CTPS1: variants seen among roughly 807,000 people sequenced by gnomAD.
CTPS1 encodes CTP synthase 1, also known as CTP synthetase 1.
CTPS1 carries 25 observed loss-of-function variants against 80.5 expected under a neutral mutation model. The observed-to-expected ratio is 0.31, with a 90% confidence interval of 0.23 to 0.43. CTPS1 has a LOEUF of 0.43. Among genes scored for constraint, CTPS1 ranks in the 20% least tolerant of loss-of-function variants. The pLI is 1.00. For missense variants in CTPS1, 442 were observed against 725.7 expected, an observed-to-expected ratio of 0.61 and a Z score of 4.49; for synonymous variants, 267 against 252.5, an observed-to-expected ratio of 1.06 and a Z score of -0.54.
chr1:40,991,768 G>T lies in CTPS1; in HGVS notation c.643G>T (p.Val215Leu). The T allele has an allele frequency of 6.2e-7, 1 of 1,612,268 alleles. No individual in the cohort carries two copies. The change falls in exon 7 of 19, where the codon GTA becomes TTA. Residue 215 changes from valine (V) to leucine (L), a missense_variant. Val to Leu is a conservative substitution (Grantham distance 32). Around this residue, in one of 4 missense-constraint regions of CTPS1, gnomAD observed 321 missense variants for 467.2 expected, o/e 0.69. Coordinates refer to ENST00000650070, the MANE Select transcript of CTPS1 (RefSeq NM_001905.4). ...CCATCTTGTTCTCTACTGCTAGGTT[G>T]TATGCAGGTGCTCAAATCCACTTGA... is the stretch of plus-strand genomic sequence containing the variant. ...RGLGLSPDLVVCRCSNPLDTS... is the reference protein window; with the variant it reads ...RGLGLSPDLVLCRCSNPLDTS...
rs1643137253 is a variant in CTPS1, at chr1:41,010,247, C to A, written c.*2C>A. On this transcript the variant is annotated 3_prime_UTR_variant, in exon 18 of 19. Transcript: ENST00000650070. ...TTTCCATCAATAAATCATGACTGAT[C>A]TTGTAGCGTAAGTGGTACTTTAAAG... The A allele has an allele frequency of 1.2e-6, 2 of 1,607,862 alleles. No individual in the cohort carries two copies.
In CTPS1 at chr1:40,984,949, A is replaced by C; in HGVS notation, c.295A>C (p.Asn99His). ...TGGAAAGATATACCAGTATGTCATTAACAAGGAACGGAAAGGAGATTACTT... is the reference window on the plus strand; with the variant it reads ...TGGAAAGATATACCAGTATGTCATTCACAAGGAACGGAAAGGAGATTACTT... ...TTGKIYQYVI[N>H]KERKGDYLGK... The change falls in exon 3 of 19, where the codon AAC (asparagine) becomes CAC (histidine). Residue 99 changes from asparagine to histidine, a missense_variant. Coordinates refer to ENST00000650070, the MANE Select transcript of CTPS1 (RefSeq NM_001905.4). 1 of 1,596,962 alleles carries C rather than the reference A, an allele frequency of 6.3e-7. No individual in the cohort carries two copies. Among genetic ancestry groups the C allele is most frequent in the East Asian group, 2.3e-5 (1 of 44,320 alleles).
chr1:40,989,698 A>G (rs1251254090), intron 5 of CTPS1, among the ~76,000 whole-genome samples: 2 of 152,240 alleles, frequency 1.3e-5, no homozygotes, highest in Non-Finnish European at 2.9e-5. Flanking sequence ...GAAACTTTAA[A>G]AAAACACCAA....
chr1:40,981,639 T>C (rs1642299843), intron 1 of CTPS1, among the ~76,000 whole-genome samples: 1 of 152,088 alleles, frequency 6.6e-6, no homozygotes, highest in Admixed American at 6.6e-5. Flanking sequence ...ACAGTGCGAG[T>C]TTACTTGCTA....
At position 40,983,449 on chromosome 1, in the gene CTPS1, T is replaced by C. The variant is rs1237408566; in HGVS notation, c.159T>C (p.Tyr53=). The change falls in exon 2 of 19, where the codon TAT becomes TAC. Residue 53 remains tyrosine, a synonymous_variant. Transcript: ENST00000650070. ...TTGATGCAGGAACATTCTCTCCTTA[T>C]GAGCATGGTAAGCACAGTGGATTTC... ...INIDAGTFSP[Y]EHGEVFVLDD... The C allele has an allele frequency of 3.7e-6, 6 of 1,611,498 alleles. No individual in the cohort carries two copies. The highest frequency in any genetic ancestry group is 2.2e-5 in the South Asian group (2 of 90,912).
At chr1:41,009,859 G>C (rs373965279) in intron 17 of CTPS1, among the ~76,000 whole-genome samples, 1 of 152,316 alleles carries the variant, frequency 6.6e-6, no homozygotes, top group African/African-American at 2.4e-5. Flanking sequence ...AGGGGAACTA[G>C]TTTTTCCTGG....
intron 12 of CTPS1, 125 bp downstream of exon 12, chr1:41,003,301 G>T: frequency 1.0e-6 from 1 of 998,300 alleles, no homozygotes; most frequent in South Asian, 1.4e-5. Context: ...AGCACCTCAT[G>T]GTGTGCCGTA....
At chr1:40,987,287 G>A in intron 3 of CTPS1, 85 bp from the exon 4 acceptor site, 2 of 951,944 alleles carry the variant, frequency 2.1e-6, no homozygotes, top group Non-Finnish European at 3.4e-6. Flanking sequence ...AAAGAGTGCT[G>A]CAGTTTGTTT....
chr1:40,996,476 CCACACCAGAAAGGGAT>C (rs1431077752), intron 8 of CTPS1, among the ~76,000 whole-genome samples: 1 of 152,174 alleles, frequency 6.6e-6, no homozygotes, highest in East Asian at 1.9e-4. Context: ...GTGTCTCACC[CCACACCAGAAAGGGAT>C]CACATTAGGA....
At chr1:40,989,447 T>G (rs1388017880) in intron 5 of CTPS1, among the ~76,000 whole-genome samples, 1 of 152,142 alleles carries the variant, frequency 6.6e-6, no homozygotes, top group Admixed American at 6.6e-5. Flanking sequence ...CCATTCCACG[T>G]AGGAGGTTGT....
chr1:40,993,621 G>C (rs1405418228), intron 7 of CTPS1, among the ~76,000 whole-genome samples: 3 of 152,168 alleles, frequency 2.0e-5, no homozygotes, highest in African/African-American at 7.2e-5. Context: ...TTACAGGCGT[G>C]AGCCGGCAAT....
chr1:41,003,929 C>G (rs1448526725), intron 12 of CTPS1: 2 of 152,316 alleles, frequency 1.3e-5, no homozygotes, highest in African/African-American at 2.4e-5. Flanking sequence ...AAGATGCTGT[C>G]TCCACCTAGT....
Position 40,985,009 on chromosome 1 carries a change from T to C in CTPS1, c.337+18T>C. ...TGTCCAAGGTAATACTGGATTTACC[T>C]TTAAAGCTTAAAAGTCTTAACCAGT... is the stretch of plus-strand genomic sequence containing the variant. On this transcript the variant is annotated intron_variant, in intron 3 of 18. Transcript: ENST00000650070. 6.6e-7 allele frequency: 1 copy of C among 1,523,662 alleles called. No individual in the cohort carries two copies. Among genetic ancestry groups the C allele is most frequent in the Non-Finnish European group, 8.9e-7 (1 of 1,124,794 alleles). 94.4% of individuals were successfully genotyped at this position (1,523,662 alleles called of 1,614,324 possible).
Position 40,982,955 on chromosome 1 carries a change from G to C in CTPS1, c.-13-323G>C, listed in dbSNP as rs1642357100. On this transcript the variant is annotated intron_variant, in intron 1 of 18. Transcript: ENST00000650070. ...AGTGATGTCAGCAAACATTTGGGGT[G>C]TAGTGTTCTATCAGCCAGCTTAGAG... Among the ~76,000 whole-genome samples the C allele has an allele frequency of 4.6e-5, 7 of 152,234 alleles. No homozygotes were observed. The South Asian group carries it at 1.4e-3, about 31-fold the overall frequency.
intron 9 of CTPS1, among the ~76,000 whole-genome samples, chr1:40,998,885 G>A (rs971490219): frequency 1.3e-5 from 2 of 152,148 alleles, no homozygotes; most frequent in African/African-American, 4.8e-5. Flanking sequence ...CCTGTTGTAC[G>A]AGTTTTAAGA....
At chr1:40,984,639 T>G (rs1282667814) in intron 2 of CTPS1, among the ~76,000 whole-genome samples, 182 bp from the exon 3 acceptor site, 2 of 152,234 alleles carry the variant, frequency 1.3e-5, no homozygotes, top group African/African-American at 2.4e-5. Context: ...GAGGTTACCT[T>G]TTAGAGAATA....
intron 3 of CTPS1, among the ~76,000 whole-genome samples, chr1:40,987,151 G>T (rs1456287607): frequency 6.6e-6 from 1 of 152,214 alleles, no homozygotes; most frequent in South Asian, 2.1e-4. Context: ...GCCTTGCTCT[G>T]TTGCAGGGCT....
chr1:40,983,499 A>G, intron 2 of CTPS1, 43 bp downstream of exon 2: 2 of 1,506,114 alleles, frequency 1.3e-6, no homozygotes, highest in Non-Finnish European at 1.8e-6. Context: ...ATGTGGCAGA[A>G]CATGTCAGCA....
chr1:40,994,727 T>C (rs968872358), intron 7 of CTPS1, among the ~76,000 whole-genome samples: 17 of 152,362 alleles, frequency 1.1e-4, no homozygotes, highest in Non-Finnish European at 2.5e-4. Context: ...TGAATAGAAG[T>C]ACTGAAAGTG....
Sources: allele counts gnomAD v4.1 joint callset (sites outside exome capture counted in the v4.1 genomes callset), GRCh38; gene constraint gnomAD v4.1.1; regional missense constraint gnomAD v4.1.1; transcripts MANE v1.5; gene names NCBI Gene and HGNC (gene_info 2026-07-23, HGNC 2026-07-21).